VAV2: variants seen among roughly 807,000 people sequenced by gnomAD.
VAV2 encodes vav guanine nucleotide exchange factor 2, also known as guanine nucleotide exchange factor VAV2.
A neutral mutation model predicts 132.5 loss-of-function variants in VAV2; 67 were observed. The ratio of observed to expected loss-of-function variants is 0.51; its 90% CI spans 0.42 to 0.62. The LOEUF is 0.62. Ranked by LOEUF, VAV2 falls within the 20% of genes least tolerant of loss-of-function variation. The pLI, the probability that VAV2 is intolerant of heterozygous loss-of-function variation, is 0.00. For missense variants in VAV2, 938 were observed against 1,153.6 expected, an observed-to-expected ratio of 0.81 and a Z score of 2.71; for synonymous variants, 492 against 443.5, an observed-to-expected ratio of 1.11 and a Z score of -1.37.
rs561402284 is a variant in VAV2, at chr9:133,776,477, C to A, written c.1966-397G>T. On this transcript the variant is annotated intron_variant, in intron 23 of 29. Transcript: ENST00000371850. ...GTGGCCACACTCAGGCAGGTGCTGC[C>A]GCTCCAGTGAGCAGGTAGGGCTCCC... Among the ~76,000 whole-genome samples, 3 of 152,192 alleles carry A rather than the reference C, an allele frequency of 2.0e-5. No homozygotes were observed. In the South Asian group the frequency reaches 6.2e-4, roughly 32 times the overall value.
At chr9:133,911,997 G>A (rs191872913) in intron 2 of VAV2, among the ~76,000 whole-genome samples, 3 of 152,292 alleles carry the variant, frequency 2.0e-5, no homozygotes, top group Non-Finnish European at 4.4e-5. Context: ...ATAGGTAAAC[G>A]TGTGCCATGC....
Position 133,770,343 on chromosome 9 carries a change from G to A in VAV2, c.2347+35C>T, listed in dbSNP as rs1228143215. 9 of 1,612,770 alleles carry A rather than the reference G, an allele frequency of 5.6e-6. No homozygotes were observed. The East Asian group carries it at 1.6e-4, about 28-fold the overall frequency. On this transcript the variant is annotated intron_variant, in intron 27 of 29. Coordinates refer to ENST00000371850, the MANE Select transcript of VAV2 (RefSeq NM_001134398.2). ...AGTGGGCCAGGGCAGACCCCTCCGA[G>A]GAGTGCTGGTGTGCCGGCTGGGCCG...
chr9:133,847,533 G>T (rs1836982742), intron 3 of VAV2, among the ~76,000 whole-genome samples: 1 of 152,190 alleles, frequency 6.6e-6, no homozygotes, highest in Non-Finnish European at 1.5e-5. Flanking sequence ...GTCCTACCAA[G>T]AACCGAACGG....
rs550005574 is a variant in VAV2, at chr9:133,961,410, C to T, written c.205-22191G>A. On this transcript the variant is annotated intron_variant, in intron 1 of 29. Transcript: ENST00000371850. This position sits in a 1 kb window ranked among gnomAD's most constrained non-coding sequence, Gnocchi z 4.1. ...AAACTGGTCAGGCTTCTGATGGGAA[C>T]GGAGGTTGGGAACACCAGCATCTGG... 2.6e-5 allele frequency among the ~76,000 whole-genome samples: 4 copies of T among 152,294 alleles called. No individual in the cohort carries two copies. Among genetic ancestry groups the T allele is most frequent in the Admixed American group, 1.3e-4 (2 of 15,294 alleles).
chr9:133,845,213 C>T (rs1230631093), intron 3 of VAV2, among the ~76,000 whole-genome samples: 1 of 152,258 alleles, frequency 6.6e-6, no homozygotes, highest in Non-Finnish European at 1.5e-5. Context: ...TGGCCAGAGG[C>T]AGAAGCGTGG....
chr9:133,935,646 A>G lies in VAV2; in HGVS notation c.321+3457T>C, dbSNP rs1840880544. On this transcript the variant is annotated intron_variant, in intron 2 of 29. Coordinates refer to ENST00000371850, the MANE Select transcript of VAV2 (RefSeq NM_001134398.2). This position sits in a 1 kb window ranked among gnomAD's most constrained non-coding sequence, Gnocchi z 5.2. ...AGCCAGGAGGCGCTGGCAGAGCAGA[A>G]CCGTCAGGCTCCAGACCGTGGTGAA... Among the ~76,000 whole-genome samples, 2 of 152,186 alleles carry G rather than the reference A, an allele frequency of 1.3e-5. No homozygotes were observed. Among genetic ancestry groups the G allele is most frequent in the Admixed American group, 1.3e-4 (2 of 15,288 alleles).
intron 2 of VAV2, among the ~76,000 whole-genome samples, chr9:133,864,463 G>A (rs938107040): frequency 4.6e-5 from 7 of 152,224 alleles, no homozygotes; most frequent in Middle Eastern, 3.2e-3. Context: ...TGGTGGTTGA[G>A]TCTGGATCCT....
At chr9:133,777,043 C>A (rs76574009) in intron 23 of VAV2, among the ~76,000 whole-genome samples, 2 of 152,214 alleles carry the variant, frequency 1.3e-5, no homozygotes, top group African/African-American at 2.4e-5. Flanking sequence ...TCTAAGGCTG[C>A]GCAATAGTCC....
chr9:133,802,789 T>C lies in VAV2; in HGVS notation c.836+3292A>G, dbSNP rs766697391. On this transcript the variant is annotated intron_variant, in intron 9 of 29. Transcript: ENST00000371850. The surrounding 1 kb of genome is among the most constrained non-coding windows in gnomAD (Gnocchi z 5.8). ...TCCACACAGCCCCAACCTCTCAAGA[T>C]GCCCAGGGACAGGCCAGCGTGGATT... 6.6e-6 allele frequency among the ~76,000 whole-genome samples: 1 copy of C among 152,176 alleles called. No individual in the cohort carries two copies. Among genetic ancestry groups the C allele is most frequent in the Admixed American group, 6.5e-5 (1 of 15,280 alleles).
In VAV2 at chr9:133,855,661, A is replaced by G. The variant is rs186254805; in HGVS notation, c.380+5713T>C. Among the ~76,000 whole-genome samples, 22 of 152,350 alleles carry G rather than the reference A, an allele frequency of 1.4e-4. No homozygotes were observed. The East Asian group carries it at 4.2e-3, about 29-fold the overall frequency. On this transcript the variant is annotated intron_variant, in intron 3 of 29. Coordinates refer to ENST00000371850, the MANE Select transcript of VAV2 (RefSeq NM_001134398.2). ...CCACCAGCTCCCCCCGCACATGGGA[A>G]GACCAAAAGGTGGGTCCTTGAAGCC...
intron 1 of VAV2, among the ~76,000 whole-genome samples, chr9:133,955,116 G>A (rs1588165452): frequency 1.3e-5 from 2 of 151,964 alleles, no homozygotes; most frequent in East Asian, 3.9e-4. Context: ...CGGTGAGGTC[G>A]CCTCCAGGCT....
chr9:133,987,352 G>A (rs1013252804), intron 1 of VAV2, among the ~76,000 whole-genome samples: 2 of 152,252 alleles, frequency 1.3e-5, no homozygotes, highest in Non-Finnish European at 2.9e-5. Context: ...AGGACAGGGT[G>A]GGGAGAGGGT....
chr9:133,954,480 G>C (rs892973348), intron 1 of VAV2, among the ~76,000 whole-genome samples: 1 of 152,262 alleles, frequency 6.6e-6, no homozygotes, highest in African/African-American at 2.4e-5. Context: ...GCAGCACATC[G>C]CAAGTGCGCA....
chr9:133,859,639 C>CA (rs1271682327), intron 3 of VAV2, among the ~76,000 whole-genome samples: 8 of 149,192 alleles, frequency 5.4e-5, no homozygotes, highest in East Asian at 2.0e-4. Flanking sequence ...CAAAACAAAA[C>CA]AAAACAAAAA....
chr9:133,905,446 A>AAAAG (rs1423424960), intron 2 of VAV2, among the ~76,000 whole-genome samples: 1 of 151,096 alleles, frequency 6.6e-6, no homozygotes, highest in African/African-American at 2.4e-5. Flanking sequence ...AAAAAAAAAA[A>AAAAG]AAAAGAAACA....
intron 3 of VAV2, among the ~76,000 whole-genome samples, chr9:133,861,048 C>T (rs1307129765): frequency 1.3e-5 from 2 of 152,220 alleles, no homozygotes; most frequent in Non-Finnish European, 2.9e-5. Flanking sequence ...CTCGGCACAG[C>T]CCCCGGTTCT....
intron 2 of VAV2, among the ~76,000 whole-genome samples, chr9:133,868,343 A>G (rs561725788): frequency 6.6e-6 from 1 of 152,300 alleles, no homozygotes; most frequent in African/African-American, 2.4e-5. Context: ...GGTTCTGGCC[A>G]GGAGATGCTC....
chr9:133,859,919 G>C (rs941383974), intron 3 of VAV2, among the ~76,000 whole-genome samples: 4 of 152,170 alleles, frequency 2.6e-5, no homozygotes, highest in Admixed American at 1.3e-4. Flanking sequence ...AAGTACTCAG[G>C]GTGCTGGGCA....
Position 133,769,286 on chromosome 9 carries a change from C to G in VAV2, c.2434+131G>C. 1 of 1,000,186 alleles carries G rather than the reference C, an allele frequency of 1.0e-6. No homozygotes were observed. Among genetic ancestry groups the G allele is most frequent in the Non-Finnish European group, 1.4e-6 (1 of 689,700 alleles). The allele number at this position is 1,000,186 out of a possible 1,614,324, so 62.0% of individuals were successfully genotyped here. ...CTCCCCAGCCCCTTTCTCCCCTCCA[C>G]CCAGTGCCAGACTGCGGACAACTGT... On this transcript the variant is annotated intron_variant, in intron 28 of 29. Transcript: ENST00000371850. This position sits in a 1 kb window ranked among gnomAD's most constrained non-coding sequence, Gnocchi z 8.1.
Sources: gnomAD v4.1 joint callset for allele counts (sites outside exome capture counted in the v4.1 genomes callset) on GRCh38, gnomAD v4.1.1 for gene constraint, Gnocchi (gnomAD v3.1) non-coding constraint, MANE v1.5 for transcripts, NCBI Gene and HGNC (gene_info 2026-07-23, HGNC 2026-07-21) for gene names.